Variants in CNTN4 observed in about 807,000 individuals in gnomAD.
CNTN4 encodes the protein contactin-4.
A neutral mutation model predicts 122.5 loss-of-function variants in CNTN4; 77 were observed. The observed-to-expected ratio is 0.63, with a 90% CI of 0.52 to 0.76. The LOEUF (loss-of-function observed/expected upper bound fraction) is 0.76, where lower values mean the gene tolerates loss of function less well. Among genes scored for constraint, CNTN4 ranks in the 30% least tolerant of loss-of-function variants. The probability of loss-of-function intolerance (pLI) is 0.00; values close to 1 mark genes in which losing one functional copy is unlikely to be tolerated. For missense variants in CNTN4, 1,256 were observed against 1,259.1 expected (o/e 1.00, Z 0.04); for synonymous variants, 512 against 447.0 (o/e 1.15, Z -1.83).
intron 3 of CNTN4, among the ~76,000 whole-genome samples, chr3:2,467,209 G>A (rs946558531): frequency 5.5e-5 from 8 of 146,078 alleles, no homozygotes; most frequent in Admixed American, 4.2e-4. Flanking sequence ...TATGAATATT[G>A]ATGAGATTCC....
At chr3:2,730,934 A>G (rs1465184456) in intron 4 of CNTN4, among the ~76,000 whole-genome samples, 1 of 151,994 alleles carries the variant, frequency 6.6e-6, no homozygotes, top group African/African-American at 2.4e-5. Flanking sequence ...AAAAATAGAG[A>G]TCATTGATGT....
intron 4 of CNTN4, among the ~76,000 whole-genome samples, chr3:2,731,989 T>C (rs2088719782): frequency 3.3e-5 from 5 of 152,196 alleles, no homozygotes; most frequent in Admixed American, 1.3e-4. Flanking sequence ...TTTATGTCAG[T>C]CCTAGGCCTT....
intron 4 of CNTN4, among the ~76,000 whole-genome samples, chr3:2,591,628 T>A (rs1489859297): frequency 1.3e-4 from 20 of 150,216 alleles, no homozygotes; most frequent in South Asian, 2.2e-4. Flanking sequence ...CCTCCCAAAG[T>A]GCTGGGATTA....
chr3:2,122,001 A>G (rs1271356700), intron 2 of CNTN4, among the ~76,000 whole-genome samples: 3 of 145,330 alleles, frequency 2.1e-5, no homozygotes, highest in African/African-American at 7.4e-5. Flanking sequence ...AAAAAATACA[A>G]AAAAATTAGC....
chr3:2,934,050 A>G (rs2094547583), intron 13 of CNTN4, among the ~76,000 whole-genome samples: 1 of 152,166 alleles, frequency 6.6e-6, no homozygotes, highest in African/African-American at 2.4e-5. Context: ...AACAAGGAGT[A>G]AGCGCTTGGT....
intron 2 of CNTN4, among the ~76,000 whole-genome samples, chr3:2,289,006 T>C (rs1363369436): frequency 6.6e-6 from 1 of 152,152 alleles, no homozygotes; most frequent in Non-Finnish European, 1.5e-5. Flanking sequence ...CTGAAAGGCC[T>C]TAAAAATAAT....
chr3:2,733,619 C>T (rs538776980), intron 4 of CNTN4, among the ~76,000 whole-genome samples: 2 of 147,870 alleles, frequency 1.4e-5, no homozygotes, highest in African/African-American at 5.0e-5. Flanking sequence ...CTGGAGACTC[C>T]GCCTCCCAGG....
chr3:3,041,806 AC>A (rs1708810168), intron 20 of CNTN4, among the ~76,000 whole-genome samples: 1 of 152,130 alleles, frequency 6.6e-6, no homozygotes, highest in Non-Finnish European at 1.5e-5. Context: ...TTACAAAAAA[AC>A]ATTAGCCAGG....
chr3:3,027,338 G>A (rs758344934), intron 15 of CNTN4, among the ~76,000 whole-genome samples: 1 of 152,146 alleles, frequency 6.6e-6, no homozygotes, highest in African/African-American at 2.4e-5. Flanking sequence ...TTACATCAGT[G>A]GATGCCTGGG....
rs574995042 is a variant in CNTN4 at position 2,627,762 on chromosome 3, G to A, written c.55+56204G>A. 6.9e-4 allele frequency among the ~76,000 whole-genome samples: 105 copies of A among 152,060 alleles called. 2 individuals carry two copies. In the South Asian group the frequency reaches 0.012, roughly 18 times the overall value. On this transcript the variant is annotated intron_variant, in intron 4 of 24. Transcript: ENST00000418658. ...CCCGCCTCGGCCTCCCAAAGTGCTG[G>A]GATTACAGGCGTGAGCCACCGTGCC...
At chr3:3,038,631 CT>C (rs1699850700) in intron 18 of CNTN4, among the ~76,000 whole-genome samples, 1 of 152,244 alleles carries the variant, frequency 6.6e-6, no homozygotes, top group South Asian at 2.1e-4. Flanking sequence ...GACTTCAGTC[CT>C]TTCCTCCCTT....
At chr3:2,703,719 A>T (rs749571616) in intron 4 of CNTN4, among the ~76,000 whole-genome samples, 2 of 152,186 alleles carry the variant, frequency 1.3e-5, no homozygotes, top group Admixed American at 6.5e-5. Context: ...TTGTAATCAT[A>T]GTTACTTGTA....
chr3:2,491,351 A>G (rs1479271607), intron 3 of CNTN4, among the ~76,000 whole-genome samples: 1 of 152,230 alleles, frequency 6.6e-6, no homozygotes, highest in Non-Finnish European at 1.5e-5. Flanking sequence ...TCCTTACCAG[A>G]TGCCTTACGC....
chr3:2,799,050 A>T (rs1007246491), intron 6 of CNTN4, among the ~76,000 whole-genome samples: 1 of 152,158 alleles, frequency 6.6e-6, no homozygotes, highest in African/African-American at 2.4e-5. Flanking sequence ...TTGTAAGATG[A>T]TATCTCAGTA....
intron 3 of CNTN4, among the ~76,000 whole-genome samples, chr3:2,354,723 A>G (rs977356794): frequency 6.6e-6 from 1 of 152,108 alleles, no homozygotes; most frequent in African/African-American, 2.4e-5. Context: ...TTGCAGAAAA[A>G]AAAAATCACA....
intron 14 of CNTN4, among the ~76,000 whole-genome samples, chr3:3,006,010 C>T (rs1196446269): frequency 6.6e-6 from 1 of 151,814 alleles, no homozygotes; most frequent in Non-Finnish European, 1.5e-5. Context: ...CTCAGCCTCC[C>T]AAGTAGCTGG....
intron 4 of CNTN4, among the ~76,000 whole-genome samples, chr3:2,668,526 G>T (rs1389368015): frequency 1.1e-4 from 17 of 152,042 alleles, no homozygotes; most frequent in South Asian, 2.1e-4. Flanking sequence ...TATACAATCA[G>T]GTCATCTGCA....
At chr3:2,465,090 T>G (rs1416529996) in intron 3 of CNTN4, among the ~76,000 whole-genome samples, 1 of 152,210 alleles carries the variant, frequency 6.6e-6, no homozygotes, top group Non-Finnish European at 1.5e-5. Flanking sequence ...GCCACTGTAT[T>G]GTACATTTGA....
intron 4 of CNTN4, among the ~76,000 whole-genome samples, chr3:2,627,532 C>T (rs569113521): frequency 1.2e-4 from 16 of 134,302 alleles, no homozygotes; most frequent in South Asian, 2.4e-4. Context: ...CTCACTCTGT[C>T]GCCCAGGCTG....
Sources: allele counts gnomAD v4.1 joint callset (sites outside exome capture counted in the v4.1 genomes callset), GRCh38; gene constraint gnomAD v4.1.1; transcripts MANE v1.5; gene names NCBI Gene and HGNC (gene_info 2026-07-23, HGNC 2026-07-21).